Variants in RAPGEF5 observed in about 807,000 individuals in gnomAD.
RAPGEF5 encodes the protein Rap guanine nucleotide exchange factor 5.
Under a neutral mutation model 125.2 loss-of-function variants are expected in RAPGEF5, and 65 were observed. That is an observed-to-expected ratio of 0.52 (90% CI 0.43 to 0.64). RAPGEF5 has a LOEUF of 0.64. Ranked by LOEUF, RAPGEF5 falls within the 30% of genes least tolerant of loss-of-function variation. RAPGEF5 has a pLI of 0.00. For missense variants in RAPGEF5, 958 were observed against 1,048.1 expected (o/e 0.91, Z 1.19); for synonymous variants, 391 against 385.9 (o/e 1.01, Z -0.16).
At chr7:22,241,832 C>T (rs1357756679) in intron 7 of RAPGEF5, among the ~76,000 whole-genome samples, 2 of 152,156 alleles carry the variant, frequency 1.3e-5, no homozygotes, top group African/African-American at 4.8e-5. Flanking sequence ...TATATTCCAA[C>T]ACCCAAAGCA....
chr7:22,221,116 C>T (rs545419260), intron 8 of RAPGEF5, among the ~76,000 whole-genome samples: 3 of 152,292 alleles, frequency 2.0e-5, no homozygotes, highest in Non-Finnish European at 2.9e-5. Flanking sequence ...AAATTTCTGA[C>T]GTGGCCCACA....
intron 9 of RAPGEF5, among the ~76,000 whole-genome samples, chr7:22,212,023 G>C (rs967464057): frequency 4.8e-5 from 7 of 144,776 alleles, no homozygotes; most frequent in Middle Eastern, 3.5e-3. Flanking sequence ...CTGGAATGCA[G>C]TGGCACAATC....
intron 5 of RAPGEF5, among the ~76,000 whole-genome samples, chr7:22,300,607 G>A (rs1175577979): frequency 3.3e-5 from 5 of 152,060 alleles, no homozygotes; most frequent in East Asian, 1.9e-4. Context: ...GGTCTGTCCC[G>A]CAGATGTCCA....
chr7:22,152,619 T>C (rs949566995), intron 17 of RAPGEF5, among the ~76,000 whole-genome samples: 2 of 152,238 alleles, frequency 1.3e-5, no homozygotes, highest in East Asian at 1.9e-4. Context: ...GATACTATTG[T>C]TCCTTTTAGA....
chr7:22,308,590 C>A (rs1050631000), intron 4 of RAPGEF5, 83 bp from the exon 5 acceptor site: 53 of 1,154,946 alleles, frequency 4.6e-5, no homozygotes, highest in Non-Finnish European at 6.1e-5. Context: ...AATTGAAAGC[C>A]CTAATAATTG....
intron 17 of RAPGEF5, among the ~76,000 whole-genome samples, 196 bp downstream of exon 17, chr7:22,154,259 A>G (rs1783726791): frequency 6.6e-6 from 1 of 152,170 alleles, no homozygotes; most frequent in Non-Finnish European, 1.5e-5. Context: ...GTTCTTGGGG[A>G]GGAAATTCAG....
At chr7:22,210,655 T>C (rs1456809493) in intron 9 of RAPGEF5, among the ~76,000 whole-genome samples, 4 of 152,176 alleles carry the variant, frequency 2.6e-5, no homozygotes, top group African/African-American at 9.7e-5. Flanking sequence ...TCTGACTCAC[T>C]TTGCCTCAGT....
intron 1 of RAPGEF5, among the ~76,000 whole-genome samples, chr7:22,347,431 T>C (rs1784243654): frequency 6.6e-6 from 1 of 152,196 alleles, no homozygotes; most frequent in Admixed American, 6.5e-5. Context: ...AGTTCCTTTA[T>C]TCAAGGACAC....
chr7:22,271,688 C>A (rs552439487), intron 6 of RAPGEF5, among the ~76,000 whole-genome samples: 2 of 152,226 alleles, frequency 1.3e-5, no homozygotes, highest in South Asian at 2.1e-4. Context: ...TAAAACATAT[C>A]CCAAATTTTT....
chr7:22,265,496 C>A (rs565175104), intron 7 of RAPGEF5, among the ~76,000 whole-genome samples: 23 of 152,240 alleles, frequency 1.5e-4, no homozygotes, highest in Non-Finnish European at 3.1e-4. Context: ...TTTCTTTATC[C>A]ATTTATCTAT....
At chr7:22,339,356 T>G (rs1562536674) in intron 1 of RAPGEF5, among the ~76,000 whole-genome samples, 1 of 152,252 alleles carries the variant, frequency 6.6e-6, no homozygotes, top group Non-Finnish European at 1.5e-5. Flanking sequence ...GCTGAAGACC[T>G]GTACAGCTTC....
chr7:22,263,288 T>G (rs1344003112), intron 7 of RAPGEF5, among the ~76,000 whole-genome samples: 1 of 152,232 alleles, frequency 6.6e-6, no homozygotes, highest in Admixed American at 6.5e-5. Context: ...TGGGGTAATT[T>G]GCATAAAAGA....
intron 11 of RAPGEF5, among the ~76,000 whole-genome samples, chr7:22,176,479 C>T (rs1342621730): frequency 6.6e-6 from 1 of 152,180 alleles, no homozygotes; most frequent in Admixed American, 6.5e-5. Flanking sequence ...TTCTACAAAA[C>T]TAATTTAAAG....
At chr7:22,127,595 A>G (rs1471957589) in intron 24 of RAPGEF5, among the ~76,000 whole-genome samples, 1 of 152,224 alleles carries the variant, frequency 6.6e-6, no homozygotes, top group East Asian at 1.9e-4. Flanking sequence ...TCTCTTGAGA[A>G]TCAACAGTAG....
At chr7:22,328,378 A>G (rs1234244248) in intron 1 of RAPGEF5, among the ~76,000 whole-genome samples, 1 of 152,240 alleles carries the variant, frequency 6.6e-6, no homozygotes, top group Non-Finnish European at 1.5e-5. Context: ...GCTAAACTGG[A>G]ACTATTCAAC....
intron 1 of RAPGEF5, among the ~76,000 whole-genome samples, chr7:22,344,078 C>G (rs996762151): frequency 9.2e-5 from 14 of 152,158 alleles, no homozygotes; most frequent in African/African-American, 3.4e-4. Flanking sequence ...TCCAGGGACC[C>G]CTCAGGACCC....
chr7:22,283,893 T>G (rs1034575743), intron 6 of RAPGEF5, among the ~76,000 whole-genome samples: 1 of 152,150 alleles, frequency 6.6e-6, no homozygotes, highest in African/African-American at 2.4e-5. Flanking sequence ...AAAGATAAAT[T>G]TCCCCCTGCC....
chr7:22,128,784 T>C (rs1465135413), intron 24 of RAPGEF5, among the ~76,000 whole-genome samples: 3 of 152,238 alleles, frequency 2.0e-5, no homozygotes, highest in African/African-American at 4.8e-5. Flanking sequence ...AGCCCGTGCC[T>C]GCCTGACGGG....
At chr7:22,177,337 A>G (rs1784539998) in intron 11 of RAPGEF5, among the ~76,000 whole-genome samples, 1 of 152,204 alleles carries the variant, frequency 6.6e-6, no homozygotes, top group African/African-American at 2.4e-5. Context: ...AGATGTTCCT[A>G]TCAAGTTGTT....
Sources: gnomAD v4.1 joint callset for allele counts (sites outside exome capture counted in the v4.1 genomes callset) on GRCh38, gnomAD v4.1.1 for gene constraint, MANE v1.5 for transcripts, NCBI Gene and HGNC (gene_info 2026-07-23, HGNC 2026-07-21) for gene names.